Variants in APP observed in about 807,000 individuals in gnomAD.
APP encodes amyloid beta precursor protein, also known as amyloid-beta precursor protein.
In APP, 31 loss-of-function variants were observed where a neutral mutation model predicts 101.4. The ratio of observed to expected loss-of-function variants is 0.31; its 90% CI spans 0.23 to 0.41. The LOEUF (loss-of-function observed/expected upper bound fraction) is 0.41. APP is among the 10% of genes least tolerant of loss of function. The pLI, the probability that APP is intolerant of heterozygous loss-of-function variation, is 1.00. For missense variants in APP, 839 were observed against 1,003.7 expected (o/e 0.84, Z 2.22); for synonymous variants, 366 against 364.4 (o/e 1.00, Z -0.05).
At chr21:25,907,296 A>G (rs1051851240) in intron 14 of APP, among the ~76,000 whole-genome samples, 2 of 152,202 alleles carry the variant, frequency 1.3e-5, no homozygotes, top group Non-Finnish European at 2.9e-5. Flanking sequence ...GTATAAATTA[A>G]TGCTCAAAAA....
At chr21:26,032,800 A>AT (rs1301560372) in intron 5 of APP, among the ~76,000 whole-genome samples, 9 of 125,026 alleles carry the variant, frequency 7.2e-5, no homozygotes, top group African/African-American at 2.9e-4. Flanking sequence ...TTTAGAAAAA[A>AT]AAAAAATATA....
At chr21:25,883,535 C>CA (rs1277812326) in intron 17 of APP, among the ~76,000 whole-genome samples, 5 of 152,018 alleles carry the variant, frequency 3.3e-5, no homozygotes, top group Admixed American at 1.3e-4. Flanking sequence ...AACAAAAATA[C>CA]AAAAAAATTT....
intron 11 of APP, among the ~76,000 whole-genome samples, chr21:25,964,808 C>G (rs1416815577): frequency 6.6e-6 from 1 of 152,002 alleles, no homozygotes; most frequent in Non-Finnish European, 1.5e-5. Context: ...CCATGTTGGT[C>G]CGGCTGGTCT....
chr21:26,102,967 G>C (rs2062097056), intron 2 of APP, among the ~76,000 whole-genome samples: 1 of 147,990 alleles, frequency 6.8e-6, no homozygotes, highest in African/African-American at 2.5e-5. Context: ...TGCTATGAGA[G>C]ATACTTTTTG....
Position 25,939,040 on chromosome 21 carries a change from G to C in APP, c.1687+15550C>G, listed in dbSNP as rs139643655. 9.9e-3 allele frequency among the ~76,000 whole-genome samples: 1,503 copies of C among 152,306 alleles called. 12 individuals are homozygous for C. Among genetic ancestry groups the C allele is most frequent in the Non-Finnish European group, 0.016 (1,065 of 68,022 alleles). On this transcript the variant is annotated intron_variant, in intron 13 of 17. Transcript: ENST00000346798. The stretch of plus-strand genomic sequence containing the variant: ...CCCCAGGTATTTAAAGACACACTTT[G>C]ATTTCTGAAAGGCTTTTGACCACAC...
chr21:25,892,046 T>A (rs1351787711), intron 16 of APP, among the ~76,000 whole-genome samples, 178 bp from the exon 17 acceptor site: 4 of 138,846 alleles, frequency 2.9e-5, no homozygotes, highest in African/African-American at 1.1e-4. Context: ...ATGCTTACTT[T>A]AAAAAAAAAA....
intron 1 of APP, among the ~76,000 whole-genome samples, chr21:26,141,068 G>A (rs929469903): frequency 5.3e-5 from 8 of 152,214 alleles, no homozygotes; most frequent in Admixed American, 5.2e-4. Flanking sequence ...CATGGAGTCA[G>A]TGTGAGAATT....
chr21:26,112,301 T>C (rs2062346851), intron 1 of APP, among the ~76,000 whole-genome samples, 155 bp from the exon 2 acceptor site: 1 of 152,244 alleles, frequency 6.6e-6, no homozygotes, highest in South Asian at 2.1e-4. Flanking sequence ...TTAAGTGTTA[T>C]GTATGCTACA....
chr21:26,097,794 G>A (rs1568971149), intron 2 of APP, among the ~76,000 whole-genome samples: 1 of 152,006 alleles, frequency 6.6e-6, no homozygotes, highest in Non-Finnish European at 1.5e-5. Context: ...TTTTAAGAGT[G>A]CATAGGCCGG....
chr21:26,131,980 T>C (rs73168383), intron 1 of APP, among the ~76,000 whole-genome samples: 2,853 of 151,888 alleles, frequency 0.019, 38 homozygotes, highest in Non-Finnish European at 0.03. Flanking sequence ...ATTAAACAAC[T>C]AAAAATCAGT....
Position 26,070,762 on chromosome 21 carries a change from A to G in APP, c.356-17414T>C, listed in dbSNP as rs1285429562. 6.6e-5 allele frequency among the ~76,000 whole-genome samples: 10 copies of G among 152,226 alleles called. 1 individual carries two copies. On this transcript the variant is annotated intron_variant, in intron 3 of 17. Coordinates refer to ENST00000346798, the MANE Select transcript of APP (RefSeq NM_000484.4). ...TGAAACAAAACACCCAGAAAAATCT[A>G]AGGTTGAAGAACATGTATAATTTGA...
At chr21:25,909,280 A>AC (rs946310681) in intron 14 of APP, among the ~76,000 whole-genome samples, 35 of 151,988 alleles carry the variant, frequency 2.3e-4, no homozygotes, top group African/African-American at 8.5e-4. Context: ...AAAAAAAAAA[A>AC]AAAAAAAAAT....
chr21:25,881,742 G>T lies in APP; in HGVS notation c.2241C>A (p.Arg747=). Residue 747 remains arginine, a synonymous_variant, in exon 18 of 18, where the codon CGC becomes CGA. Coordinates refer to ENST00000346798, the MANE Select transcript of APP (RefSeq NM_000484.4). The part of the protein sequence containing the change: ...EVDAAVTPEE[R]HLSKMQQNGY... ...CGTTCTGCTGCATCTTGGACAGGTG[G>T]CGCTCCTCTGGGGTGACAGCGGCGT... is the stretch of plus-strand genomic sequence containing the variant. 1 of 1,613,930 alleles carries T rather than the reference G, an allele frequency of 6.2e-7. No individual in the cohort carries two copies. The highest frequency in any genetic ancestry group is 8.5e-7 in the Non-Finnish European group (1 of 1,180,036).
intron 1 of APP, among the ~76,000 whole-genome samples, chr21:26,134,028 T>G: frequency 6.6e-6 from 1 of 152,200 alleles, no homozygotes; most frequent in Admixed American, 6.5e-5. Context: ...TTGCAGGAGT[T>G]TCCAAACATG....
At chr21:25,884,143 C>G (rs2037170947) in intron 17 of APP, among the ~76,000 whole-genome samples, 1 of 152,156 alleles carries the variant, frequency 6.6e-6, no homozygotes, top group Admixed American at 6.5e-5. Flanking sequence ...CCTAAAGTAG[C>G]ACTAGGACTA....
In APP at chr21:26,170,758, C is replaced by T; in HGVS notation, c.-138G>A. The T allele has an allele frequency of 1.1e-6, 1 of 928,186 alleles. No homozygotes were observed. The highest frequency in any genetic ancestry group is 1.5e-6 in the Non-Finnish European group (1 of 667,672). The allele number at this position is 928,186 out of a possible 1,614,324, so 57.5% of individuals were successfully genotyped here. On this transcript the variant is annotated 5_prime_UTR_variant, in exon 1 of 18. Transcript: ENST00000346798. ...TCCGCGTGCTCTCGCCTACCGCTGC[C>T]GAGGAAACTGACGGAGCCCGAGCGC...
At chr21:25,984,045 C>T (rs986850805) in intron 8 of APP, among the ~76,000 whole-genome samples, 1 of 152,060 alleles carries the variant, frequency 6.6e-6, no homozygotes, top group Non-Finnish European at 1.5e-5. Flanking sequence ...AATGAGATAC[C>T]ATACCACATG....
intron 2 of APP, among the ~76,000 whole-genome samples, chr21:26,094,195 A>G (rs947515186): frequency 1.3e-5 from 2 of 152,216 alleles, no homozygotes; most frequent in Non-Finnish European, 2.9e-5. Flanking sequence ...TGGAAGCAGT[A>G]AATTCAACCT....
intron 5 of APP, among the ~76,000 whole-genome samples, chr21:26,042,677 G>C (rs1358682725): frequency 2.6e-5 from 4 of 152,162 alleles, no homozygotes; most frequent in Non-Finnish European, 5.9e-5. Flanking sequence ...CCAGGCAGGA[G>C]GATCACTTGA....
Sources: allele counts gnomAD v4.1 joint callset (sites outside exome capture counted in the v4.1 genomes callset), GRCh38; gene constraint gnomAD v4.1.1; transcripts MANE v1.5; gene names NCBI Gene and HGNC (gene_info 2026-07-23, HGNC 2026-07-21).